NTNG1: variants seen among roughly 807,000 people sequenced by gnomAD.
NTNG1 encodes the protein netrin-G1.
Under a neutral mutation model 54.0 loss-of-function variants are expected in NTNG1, and 16 were observed. The observed-to-expected ratio is 0.30, with a 90% CI of 0.20 to 0.45. The LOEUF is 0.45. Among genes scored for constraint, NTNG1 ranks in the 20% least tolerant of loss-of-function variants. The probability of loss-of-function intolerance (pLI) is 1.00; values close to 1 mark genes in which losing one functional copy is unlikely to be tolerated. For synonymous variants in NTNG1, 255 were observed against 263.1 expected (o/e 0.97, Z 0.30); for missense variants, 530 against 678.7 (o/e 0.78, Z 2.43).
chr1:107,151,966 G>A (rs1654598904), intron 2 of NTNG1, among the ~76,000 whole-genome samples: 1 of 151,492 alleles, frequency 6.6e-6, no homozygotes, highest in Admixed American at 6.6e-5. Flanking sequence ...AATCATAGTG[G>A]ATAAGGAAGA....
intron 3 of NTNG1, among the ~76,000 whole-genome samples, chr1:107,348,268 G>A (rs1250437190): frequency 6.6e-6 from 1 of 152,052 alleles, no homozygotes; most frequent in Non-Finnish European, 1.5e-5. Context: ...TGGGACAACA[G>A]GTGTGCACCA....
chr1:107,384,188 A>G (rs1325547433), intron 3 of NTNG1, among the ~76,000 whole-genome samples: 1 of 152,002 alleles, frequency 6.6e-6, no homozygotes, highest in African/African-American at 2.4e-5. Flanking sequence ...TAGTCATGGT[A>G]CTCTAGCCTC....
At chr1:107,176,924 AG>A in intron 2 of NTNG1, among the ~76,000 whole-genome samples, 1 of 152,324 alleles carries the variant, frequency 6.6e-6, no homozygotes, top group African/African-American at 2.4e-5. Flanking sequence ...CCTGTATAGC[AG>A]CTTACTGGCA....
chr1:107,311,676 T>G (rs1667021585), intron 2 of NTNG1, among the ~76,000 whole-genome samples: 1 of 152,190 alleles, frequency 6.6e-6, no homozygotes, highest in African/African-American at 2.4e-5. Flanking sequence ...ACCTACCTAA[T>G]TTATCCTATC....
chr1:107,160,038 G>A (rs1655295949), intron 2 of NTNG1, among the ~76,000 whole-genome samples: 1 of 152,168 alleles, frequency 6.6e-6, no homozygotes, highest in South Asian at 2.1e-4. Context: ...TGTGGGTGAG[G>A]TGTTGAGAAA....
chr1:107,251,788 T>C (rs75585295), intron 2 of NTNG1, among the ~76,000 whole-genome samples: 1,912 of 152,336 alleles, frequency 0.013, 37 homozygotes, highest in African/African-American at 0.043. Flanking sequence ...CTGTTGCCAC[T>C]GACCTCTCCA....
At chr1:107,259,623 C>A (rs1383820622) in intron 2 of NTNG1, among the ~76,000 whole-genome samples, 1 of 152,096 alleles carries the variant, frequency 6.6e-6, no homozygotes, top group Non-Finnish European at 1.5e-5. Flanking sequence ...AAATATTATT[C>A]TGCTGGGAAT....
chr1:107,213,435 G>T (rs751186995), intron 2 of NTNG1, among the ~76,000 whole-genome samples: 4 of 152,130 alleles, frequency 2.6e-5, no homozygotes, highest in Non-Finnish European at 5.9e-5. Context: ...AGACAAGAGG[G>T]GTGGAGCATG....
At chr1:107,430,724 T>A (rs752600730) in intron 5 of NTNG1, 26 bp from the exon 6 acceptor site, 1 of 1,611,974 alleles carries the variant, frequency 6.2e-7, no homozygotes, top group Non-Finnish European at 8.5e-7. Flanking sequence ...ATACACTCTG[T>A]ATACATTTCT....
intron 5 of NTNG1, among the ~76,000 whole-genome samples, chr1:107,422,371 G>A (rs975160988): frequency 2.0e-5 from 3 of 151,972 alleles, no homozygotes; most frequent in Non-Finnish European, 4.4e-5. Context: ...CACATGCAAA[G>A]TTCATCTCTT....
At chr1:107,202,146 G>C (rs943972378) in intron 2 of NTNG1, among the ~76,000 whole-genome samples, 1 of 150,646 alleles carries the variant, frequency 6.6e-6, no homozygotes, top group Non-Finnish European at 1.5e-5. Flanking sequence ...ATGTAATTTT[G>C]CTTTAGACAT....
At chr1:107,464,047 GATGTA>G (rs1385297875) in intron 7 of NTNG1, among the ~76,000 whole-genome samples, 1 of 152,158 alleles carries the variant, frequency 6.6e-6, no homozygotes, top group Non-Finnish European at 1.5e-5. Context: ...ATTCAAGTCT[GATGTA>G]ATGACCTTGC....
intron 7 of NTNG1, among the ~76,000 whole-genome samples, chr1:107,451,187 G>C (rs1676603980): frequency 6.7e-6 from 1 of 148,982 alleles, no homozygotes; most frequent in African/African-American, 2.5e-5. Context: ...CATGCTATGT[G>C]CTATTTTTCA....
chr1:107,474,941 C>T (rs774550897), intron 7 of NTNG1, among the ~76,000 whole-genome samples: 2 of 152,164 alleles, frequency 1.3e-5, no homozygotes, highest in Non-Finnish European at 2.9e-5. Context: ...CTCCTATGTA[C>T]AGGGGAAGAG....
chr1:107,419,448 C>G (rs1175607836), intron 5 of NTNG1, among the ~76,000 whole-genome samples: 1 of 148,448 alleles, frequency 6.7e-6, no homozygotes, highest in Non-Finnish European at 1.5e-5. Flanking sequence ...CACTGATAGA[C>G]AGAAATGTGA....
chr1:107,268,506 TTTC>T (rs1663910269), intron 2 of NTNG1, among the ~76,000 whole-genome samples: 1 of 151,970 alleles, frequency 6.6e-6, no homozygotes, highest in Non-Finnish European at 1.5e-5. Context: ...TTTTTTGGCT[TTTC>T]TTTACTGGTT....
At chr1:107,151,752 T>A (rs1365320063) in intron 2 of NTNG1, among the ~76,000 whole-genome samples, 1 of 152,162 alleles carries the variant, frequency 6.6e-6, no homozygotes, top group African/African-American at 2.4e-5. Context: ...TGACTATCCA[T>A]GAATGTTGCA....
intron 2 of NTNG1, among the ~76,000 whole-genome samples, chr1:107,232,295 A>G (rs1483766950): frequency 3.3e-5 from 5 of 152,210 alleles, no homozygotes; most frequent in African/African-American, 4.8e-5. Flanking sequence ...CCAACAAAGT[A>G]TTGGTTATAC....
chr1:107,261,098 T>C (rs370727818), intron 2 of NTNG1: 84 of 152,356 alleles, frequency 5.5e-4, no homozygotes, highest in African/African-American at 1.9e-3. Flanking sequence ...ACTCGTTCTT[T>C]AATTCATTCA....
Sources: gnomAD v4.1 joint callset for allele counts (sites outside exome capture counted in the v4.1 genomes callset) on GRCh38, gnomAD v4.1.1 for gene constraint, MANE v1.5 for transcripts, NCBI Gene and HGNC (gene_info 2026-07-23, HGNC 2026-07-21) for gene names.